The following PCDHA11 variants were observed in gnomAD, a reference collection of about 807,000 sequenced individuals.
PCDHA11 encodes protocadherin alpha-11.
In PCDHA11, 61 loss-of-function variants were observed where a neutral mutation model predicts 70.3. The ratio of observed to expected loss-of-function variants is 0.87; its 90% CI spans 0.71 to 1.07. PCDHA11 has a LOEUF of 1.07. Ranked by LOEUF, PCDHA11 falls within the 50% of genes least tolerant of loss-of-function variation. PCDHA11 has a pLI of 0.00. For synonymous variants in PCDHA11, 633 were observed against 555.1 expected (o/e 1.14, Z -1.97); for missense variants, 1,324 against 1,237.5 (o/e 1.07, Z -1.05).
At chr5:140,942,600 T>A (rs943278532) in intron 1 of PCDHA11, among the ~76,000 whole-genome samples, 2 of 132,144 alleles carry the variant, frequency 1.5e-5, no homozygotes, top group African/African-American at 6.2e-5. Flanking sequence ...ATAATTATAG[T>A]GTTTATATTT....
chr5:140,948,142 T>G (rs1194720907), intron 1 of PCDHA11, among the ~76,000 whole-genome samples: 1 of 151,674 alleles, frequency 6.6e-6, no homozygotes, highest in Admixed American at 6.6e-5. Flanking sequence ...CTAATTGATT[T>G]TTGAATGTTG....
intron 1 of PCDHA11, among the ~76,000 whole-genome samples, chr5:140,925,287 A>G (rs905857397): frequency 4.7e-4 from 72 of 152,294 alleles, no homozygotes; most frequent in African/African-American, 1.7e-3. Context: ...TGCCTTTCAA[A>G]TGTTTCATTA....
At chr5:141,005,467 GC>G (rs1463928635) in intron 3 of PCDHA11, among the ~76,000 whole-genome samples, 1 of 151,982 alleles carries the variant, frequency 6.6e-6, no homozygotes, top group Non-Finnish European at 1.5e-5. Context: ...ACTTTGGGAG[GC>G]CGAGACGGGC....
chr5:140,928,231 C>T (rs2085058715), intron 1 of PCDHA11: 2 of 1,614,108 alleles, frequency 1.2e-6, no homozygotes, highest in South Asian at 2.2e-5. Context: ...AAACTTTCCT[C>T]AACCCCAGCA....
In PCDHA11 at chr5:140,871,184, A is replaced by T; in HGVS notation, c.2081A>T (p.Asp694Val). ...GCGAGCCCAGAGGCTGCGCTGGTGG[A>T]TGTCAACGTGTACCTGATCATCGCC... ...GAASPEAALV[D>V]VNVYLIIAIC... is the part of the protein sequence containing the mutation. Residue 694 changes from aspartate (D) to valine (V), a missense_variant, in exon 1 of 4, where the codon GAT (aspartate) becomes GTT (valine). Coordinates refer to ENST00000398640, the MANE Select transcript of PCDHA11 (RefSeq NM_018902.5). 1 of 1,613,552 alleles carries T rather than the reference A, an allele frequency of 6.2e-7. No homozygotes were observed. Among genetic ancestry groups the T allele is most frequent in the Non-Finnish European group, 8.5e-7 (1 of 1,179,938 alleles).
At chr5:140,925,906 G>A (rs1181128933) in intron 1 of PCDHA11, among the ~76,000 whole-genome samples, 1 of 151,830 alleles carries the variant, frequency 6.6e-6, no homozygotes, top group Non-Finnish European at 1.5e-5. Context: ...ATCGTCAAGG[G>A]CCGTTTGCAA....
At chr5:140,891,040 C>G (rs2062916193) in intron 1 of PCDHA11, among the ~76,000 whole-genome samples, 1 of 144,978 alleles carries the variant, frequency 6.9e-6, no homozygotes, top group Admixed American at 6.6e-5. Context: ...TTAGGTGTGA[C>G]CCCCACAGCA....
At chr5:140,977,043 T>G (rs2096743110) in intron 1 of PCDHA11, among the ~76,000 whole-genome samples, 1 of 152,226 alleles carries the variant, frequency 6.6e-6, no homozygotes. Flanking sequence ...AGGATGTTGT[T>G]GCTGATGGAC....
chr5:141,008,437 C>T (rs1261106138), intron 3 of PCDHA11, among the ~76,000 whole-genome samples: 1 of 152,182 alleles, frequency 6.6e-6, no homozygotes. Context: ...TTTGCCCAGA[C>T]AGACCATTAC....
At position 140,869,615 on chromosome 5, in the gene PCDHA11, G is replaced by T; in HGVS notation, c.512G>T (p.Arg171Met). The stretch of plus-strand genomic sequence containing the variant: ...GAAGAGAATGCTCTATTGACCTACA[G>T]GCTAAGTAAAAATGAGTATTTTTCT... ...DIEENALLTY[R>M]LSKNEYFSLD... The change falls in exon 1 of 4, where the codon AGG becomes ATG. Residue 171 changes from arginine to methionine, a missense_variant. Transcript: ENST00000398640. The T allele has an allele frequency of 1.2e-6, 2 of 1,613,858 alleles. No individual in the cohort carries two copies. The highest frequency in any genetic ancestry group is 1.7e-6 in the Non-Finnish European group (2 of 1,179,902).
At chr5:140,884,239 C>A (rs781996098) in intron 1 of PCDHA11, 1 of 1,613,424 alleles carries the variant, frequency 6.2e-7, no homozygotes, top group South Asian at 1.1e-5. Flanking sequence ...ACGGTGAGCC[C>A]GCGCTGACGG....
chr5:140,921,215 CT>C (rs2080099389), intron 1 of PCDHA11, among the ~76,000 whole-genome samples: 1 of 151,942 alleles, frequency 6.6e-6, no homozygotes, highest in Admixed American at 6.6e-5. Context: ...TAATTCACGT[CT>C]TTTTTGCTAG....
intron 1 of PCDHA11, among the ~76,000 whole-genome samples, chr5:140,906,808 C>A (rs902394073): frequency 6.6e-6 from 1 of 152,214 alleles, no homozygotes; most frequent in Non-Finnish European, 1.5e-5. Flanking sequence ...CTCTTCCTTA[C>A]CTCCACTGTG....
At chr5:140,997,406 C>T (rs2097769706) in intron 3 of PCDHA11, among the ~76,000 whole-genome samples, 1 of 152,094 alleles carries the variant, frequency 6.6e-6, no homozygotes, top group Admixed American at 6.6e-5. Flanking sequence ...TATCGTATGG[C>T]CTATTTCTCC....
chr5:140,982,708 C>G (rs550422492), intron 3 of PCDHA11, 145 bp downstream of exon 3: 1 of 1,373,770 alleles, frequency 7.3e-7, no homozygotes, highest in African/African-American at 1.5e-5. Flanking sequence ...GATTTCCTTA[C>G]ATATATGATT....
intron 1 of PCDHA11, among the ~76,000 whole-genome samples, chr5:140,884,903 T>C (rs1462790087): frequency 1.3e-5 from 2 of 152,268 alleles, no homozygotes; most frequent in Admixed American, 1.3e-4. Flanking sequence ...GTTTCTGTTG[T>C]ATTCTTAATA....
chr5:140,883,336 A>G, intron 1 of PCDHA11: 1 of 1,613,866 alleles, frequency 6.2e-7, no homozygotes, highest in Non-Finnish European at 8.5e-7. Flanking sequence ...CTTCTTTGTC[A>G]CTCCCCATCA....
intron 1 of PCDHA11, among the ~76,000 whole-genome samples, chr5:140,886,602 C>T (rs1167539535): frequency 6.6e-6 from 1 of 151,756 alleles, no homozygotes; most frequent in Non-Finnish European, 1.5e-5. Flanking sequence ...CCAAGGTGGG[C>T]GGATCAGGAG....
At chr5:140,972,660 ATTTTT>A (rs11350929) in intron 1 of PCDHA11, among the ~76,000 whole-genome samples, 2 of 117,266 alleles carry the variant, frequency 1.7e-5, no homozygotes, top group African/African-American at 3.3e-5. Flanking sequence ...AAGAAACCAA[ATTTTT>A]TTTTTTTTTT....
Sources: allele counts gnomAD v4.1 joint callset (sites outside exome capture counted in the v4.1 genomes callset), GRCh38; gene constraint gnomAD v4.1.1; transcripts MANE v1.5; gene names NCBI Gene and HGNC (gene_info 2026-07-23, HGNC 2026-07-21).